SLC4A5: variants seen among roughly 807,000 people sequenced by gnomAD.
SLC4A5 encodes the protein electrogenic sodium bicarbonate cotransporter 4.
SLC4A5 carries 96 observed loss-of-function variants against 120.4 expected under a neutral mutation model. The observed-to-expected ratio is 0.80, with a 90% CI of 0.68 to 0.94. The LOEUF (loss-of-function observed/expected upper bound fraction) is 0.94, where lower values mean the gene tolerates loss of function less well. Ranked by LOEUF, SLC4A5 falls within the 40% of genes least tolerant of loss-of-function variation. SLC4A5 has a pLI of 0.00. For synonymous variants in SLC4A5, 550 were observed against 571.1 expected (o/e 0.96, Z 0.53); for missense variants, 1,259 against 1,459.5 (o/e 0.86, Z 2.24).
At chr2:74,252,262 G>A (rs568957061) in exon 16 of SLC4A5, 13 of 1,606,180 alleles carry the variant, frequency 8.1e-6, no homozygotes, top group South Asian at 5.5e-5. Context: ...CGCCGGCCCC[G>A]CCACTGCCAG....
chr2:74,312,959 G>A (rs1672853227), intron 6 of SLC4A5, among the ~76,000 whole-genome samples: 1 of 149,302 alleles, frequency 6.7e-6, no homozygotes, highest in African/African-American at 2.5e-5. Flanking sequence ...TGATTATTGA[G>A]ATCAGTGAAT....
intron 4 of SLC4A5, among the ~76,000 whole-genome samples, chr2:74,332,994 C>A (rs545113063): frequency 7.9e-4 from 120 of 152,304 alleles, no homozygotes; most frequent in African/African-American, 2.8e-3. Context: ...ACTGTCAACT[C>A]TTCCTCACCA....
At chr2:74,247,360 C>T (rs1670646175) in intron 18 of SLC4A5, 53 bp from the exon 19 acceptor site, 2 of 1,569,544 alleles carry the variant, frequency 1.3e-6, no homozygotes, top group African/African-American at 2.7e-5. Flanking sequence ...CCTGGCTGTG[C>T]TTGACTCCTC....
intron 7 of SLC4A5, among the ~76,000 whole-genome samples, chr2:74,303,153 G>A (rs1329796933): frequency 6.6e-6 from 1 of 151,406 alleles, no homozygotes; most frequent in African/African-American, 2.4e-5. Flanking sequence ...TTTAACTATA[G>A]CCCATCTCTT....
chr2:74,262,086 G>A, intron 11 of SLC4A5, 51 bp downstream of exon 11: 1 of 1,544,164 alleles, frequency 6.5e-7, no homozygotes, highest in Non-Finnish European at 8.9e-7. Flanking sequence ...CCATGTCACA[G>A]CTGCCACAGC....
exon 7 of SLC4A5, chr2:74,304,491 G>A: frequency 1.2e-6 from 2 of 1,609,668 alleles, no homozygotes; most frequent in Non-Finnish European, 1.7e-6. Context: ...GAACTCACGA[G>A]TCCTGCTGAT....
chr2:74,261,851 G>A (rs1435725520), intron 11 of SLC4A5, among the ~76,000 whole-genome samples: 1 of 152,170 alleles, frequency 6.6e-6, no homozygotes, highest in Non-Finnish European at 1.5e-5. Flanking sequence ...TGAAGATGAA[G>A]GTACAGACTA....
intron 28 of SLC4A5, 26 bp from the exon 29 acceptor site, chr2:74,222,978 G>T: frequency 6.7e-7 from 1 of 1,497,142 alleles, no homozygotes; most frequent in Non-Finnish European, 9.1e-7. Flanking sequence ...GGGAAAAGAG[G>T]ATAAACACCA....
intron 6 of SLC4A5, among the ~76,000 whole-genome samples, chr2:74,310,857 G>A (rs556395030): frequency 2.6e-4 from 40 of 151,926 alleles, no homozygotes; most frequent in African/African-American, 8.7e-4. Flanking sequence ...TTTTCTGGAA[G>A]AGATTGTAGA....
chr2:74,298,823 A>G (rs1672399641), intron 7 of SLC4A5, among the ~76,000 whole-genome samples: 1 of 152,204 alleles, frequency 6.6e-6, no homozygotes, highest in African/African-American at 2.4e-5. Context: ...AGGCAAGAGG[A>G]TAGCTTGATA....
intron 27 of SLC4A5, among the ~76,000 whole-genome samples, chr2:74,226,518 T>G (rs1447488883): frequency 1.3e-5 from 2 of 152,242 alleles, no homozygotes; most frequent in Non-Finnish European, 2.9e-5. Context: ...TCTTGATCTC[T>G]GACCCTCGTT....
chr2:74,288,469 G>C (rs1002117830), intron 7 of SLC4A5, among the ~76,000 whole-genome samples: 56 of 152,200 alleles, frequency 3.7e-4, no homozygotes, highest in Non-Finnish European at 7.3e-4. Context: ...CTTCAGAGGT[G>C]ATCATCGCCG....
Position 74,314,931 on chromosome 2 carries a change from C to A in SLC4A5, c.79+14G>T, listed in dbSNP as rs779284859. 6.2e-7 allele frequency: 1 copy of A among 1,612,658 alleles called. No individual in the cohort carries two copies. The highest frequency in any genetic ancestry group is 8.5e-7 in the Non-Finnish European group (1 of 1,178,688). ...CCTCCTGAGATTTGCATCAAGTCCT[C>A]AAAGTGACCTCACCTTTCTGATCCG... is the stretch of plus-strand genomic sequence containing the variant. On this transcript the variant is annotated intron_variant, in intron 6 of 30. Transcript: ENST00000394019.
chr2:74,316,470 C>G (rs990574529), intron 5 of SLC4A5, among the ~76,000 whole-genome samples: 2 of 151,998 alleles, frequency 1.3e-5, no homozygotes, highest in African/African-American at 4.8e-5. Flanking sequence ...GATAGGAGGT[C>G]AGACACACCT....
intron 2 of SLC4A5, among the ~76,000 whole-genome samples, chr2:74,342,125 G>A (rs772859784): frequency 1.4e-4 from 22 of 152,236 alleles, no homozygotes; most frequent in Non-Finnish European, 2.5e-4. Flanking sequence ...TACAGATGAA[G>A]GATGAGGGAA....
At position 74,229,545 on chromosome 2, in the gene SLC4A5, C is replaced by T. The variant is rs1694986863; in HGVS notation, c.2848-1667G>A. 3.9e-5 allele frequency among the ~76,000 whole-genome samples: 6 copies of T among 152,210 alleles called. No homozygotes were observed. In the South Asian group the frequency reaches 1.2e-3, roughly 32 times the overall value. Reference sequence around the variant, plus strand: ...TGCTGGGATTACAGGCTTGAGCCACCACACCCAGCCTGATTCGAGCTTTTT... The same window carrying T: ...TGCTGGGATTACAGGCTTGAGCCACTACACCCAGCCTGATTCGAGCTTTTT... On this transcript the variant is annotated intron_variant, in intron 25 of 30. Coordinates refer to ENST00000394019, the Ensembl canonical transcript of SLC4A5.
intron 25 of SLC4A5, among the ~76,000 whole-genome samples, chr2:74,230,913 TCTC>T: frequency 6.6e-6 from 1 of 152,102 alleles, no homozygotes; most frequent in Middle Eastern, 3.4e-3. Context: ...TTCAAGCCAT[TCTC>T]CTGTCTCAGC....
At chr2:74,290,760 C>T (rs1285542852) in intron 7 of SLC4A5, 99 of 986,272 alleles carry the variant, frequency 1.0e-4, no homozygotes, top group Non-Finnish European at 1.2e-4. Context: ...AGCCGGGTCT[C>T]CACAGCAGCA....
At chr2:74,339,588 T>A (rs1361925497) in intron 2 of SLC4A5, 1 of 152,260 alleles carries the variant, frequency 6.6e-6, no homozygotes, top group African/African-American at 2.4e-5. Flanking sequence ...GGAGGGGAAC[T>A]TGGAGGTCGG....
Sources: gnomAD v4.1 joint callset for allele counts (sites outside exome capture counted in the v4.1 genomes callset) on GRCh38, gnomAD v4.1.1 for gene constraint, MANE v1.5 for transcripts, NCBI Gene and HGNC (gene_info 2026-07-23, HGNC 2026-07-21) for gene names.